IFT172: variants seen among roughly 807,000 people sequenced by gnomAD.
IFT172 encodes intraflagellar transport 172, also known as intraflagellar transport protein 172 homolog.
A neutral mutation model predicts 248.9 loss-of-function variants in IFT172; 164 were observed. That is an observed-to-expected ratio of 0.66 (90% CI 0.58 to 0.75). IFT172 has a LOEUF of 0.75. Among genes scored for constraint, IFT172 ranks in the 30% least tolerant of loss-of-function variants. The pLI is 0.00. For missense variants in IFT172, 1,950 were observed against 2,192.4 expected, an observed-to-expected ratio of 0.89 and a Z score of 2.21; for synonymous variants, 729 against 791.6, an observed-to-expected ratio of 0.92 and a Z score of 1.33.
chr2:27,465,516 G>T lies in IFT172; in HGVS notation c.1832C>A (p.Ala611Glu), dbSNP rs1274474647. ...TAIDDGNYIR[A>E]TAFLETLEMT... is the part of the protein sequence containing the mutation. ...TTCCAGAGTCTCTAAGAAGGCTGTT[G>T]CCCTGGAAAGGGAAGGAAGCAAAGC... The change falls in exon 18 of 48, where the codon GCA (alanine) becomes GAA (glutamate). Residue 611 changes from alanine to glutamate, a missense_variant and splice_region_variant. By Grantham distance (107) the Ala-to-Glu change is moderately radical. This residue lies in a region of IFT172 where 1,166 missense variants were observed against 1,254.1 expected (regional missense o/e 0.93). Transcript: ENST00000260570. The T allele has an allele frequency of 3.1e-6, 5 of 1,613,870 alleles. No individual in the cohort carries two copies. The Middle Eastern group carries it at 4.9e-4, about 159-fold the overall frequency.
Position 27,454,133 on chromosome 2 carries a change from G to A in IFT172, c.3560C>T (p.Ala1187Val), listed in dbSNP as rs1665958426. Residue 1187 changes from alanine (A) to valine (V), a missense_variant, in exon 33 of 48, where the codon GCT becomes GTT. Transcript: ENST00000260570. This position sits in a 1 kb window ranked among gnomAD's most constrained non-coding sequence, Gnocchi z 4.2. ...GTCGTGAGCCTCAGCCACACGCTGA[G>A]CTGCCTCCCAATCCTGGTTATGGAC... is the stretch of plus-strand genomic sequence containing the variant. ...MFVHNQDWEA[A>V]QRVAEAHDPD... The A allele has an allele frequency of 6.2e-7, 1 of 1,613,428 alleles. No homozygotes were observed. The highest frequency in any genetic ancestry group is 8.5e-7 in the Non-Finnish European group (1 of 1,179,738).
At chr2:27,486,830 G>A (rs181918368) in intron 1 of IFT172, among the ~76,000 whole-genome samples, 219 of 152,318 alleles carry the variant, frequency 1.4e-3, no homozygotes, top group Non-Finnish European at 2.2e-3. Context: ...TTAGGGCGGA[G>A]AAATTTTTAA....
At chr2:27,468,724 C>T (rs1667313776) in intron 16 of IFT172, among the ~76,000 whole-genome samples, 1 of 151,810 alleles carries the variant, frequency 6.6e-6, no homozygotes, top group African/African-American at 2.4e-5. Flanking sequence ...TGGCAGGCGC[C>T]TGTAGTCCTA....
intron 19 of IFT172, 148 bp from the exon 20 acceptor site, chr2:27,462,941 A>G (rs546585077): frequency 8.6e-7 from 1 of 1,156,224 alleles, no homozygotes; most frequent in East Asian, 2.4e-5. Flanking sequence ...GAGGTTTAGC[A>G]AAAGCAATTC....
At position 27,469,170 on chromosome 2, in the gene IFT172, G is replaced by A. The variant is rs376669029; in HGVS notation, c.1692+1758C>T. Among the ~76,000 whole-genome samples the A allele has an allele frequency of 2.4e-4, 36 of 152,216 alleles. No individual in the cohort carries two copies. The East Asian group carries it at 6.6e-3, about 28-fold the overall frequency. On this transcript the variant is annotated intron_variant, in intron 16 of 47. Transcript: ENST00000260570. Reference sequence around the variant, plus strand: ...GCACTTTGGGAGCCTGACGGAGGCGGATCACTTGAGGTCAAGAGTTCGAGA... The same window carrying A: ...GCACTTTGGGAGCCTGACGGAGGCGAATCACTTGAGGTCAAGAGTTCGAGA...
chr2:27,484,963 C>T, intron 3 of IFT172, 55 bp downstream of exon 3: 1 of 1,032,996 alleles, frequency 9.7e-7, no homozygotes, highest in Non-Finnish European at 1.5e-6. Context: ...TGAGGCATTT[C>T]TCTTGCCTTC....
intron 14 of IFT172, among the ~76,000 whole-genome samples, chr2:27,474,039 C>T (rs975413574): frequency 3.9e-5 from 6 of 152,110 alleles, no homozygotes; most frequent in Non-Finnish European, 7.4e-5. Context: ...AACTCCTGAC[C>T]TCAGGTGATC....
chr2:27,477,843 A>G, intron 11 of IFT172, 152 bp downstream of exon 11: 1 of 972,674 alleles, frequency 1.0e-6, no homozygotes, highest in Middle Eastern at 3.1e-4. Flanking sequence ...CTGGGATTAT[A>G]AAACTCCTGG....
In IFT172 at chr2:27,448,994, G is replaced by A. The variant is rs765204846; in HGVS notation, c.4349C>T (p.Ala1450Val). The A allele has an allele frequency of 1.2e-6, 2 of 1,610,542 alleles. No individual in the cohort carries two copies. Among genetic ancestry groups the A allele is most frequent in the Non-Finnish European group, 1.7e-6 (2 of 1,176,790 alleles). The stretch of plus-strand genomic sequence containing the variant: ...GCTACCCTCCCGGATCAAGTGAGTT[G>A]CATACAAAGCCACATACTTGTGCAG... Reference protein sequence around the residue: ...KILHKYVALYATHLIREGSSA... With the variant: ...KILHKYVALYVTHLIREGSSA... Residue 1450 changes from alanine to valine, a missense_variant, in exon 40 of 48, where the codon GCA (alanine) becomes GTA (valine). Around this residue, in one of 3 missense-constraint regions of IFT172, gnomAD observed 620 missense variants for 699.0 expected, o/e 0.89. Transcript: ENST00000260570.
At chr2:27,462,295 C>T (rs756417265) in intron 20 of IFT172, among the ~76,000 whole-genome samples, 5 of 152,060 alleles carry the variant, frequency 3.3e-5, no homozygotes, top group Non-Finnish European at 7.4e-5. Context: ...AGCCTCCCAG[C>T]GTGCTGGGAT....
At chr2:27,478,879 A>G (rs1440040454) in intron 10 of IFT172, among the ~76,000 whole-genome samples, 1 of 152,222 alleles carries the variant, frequency 6.6e-6, no homozygotes, top group African/African-American at 2.4e-5. Flanking sequence ...CAGAGGCCTT[A>G]AAACAACAGA....
intron 14 of IFT172, among the ~76,000 whole-genome samples, 185 bp from the exon 15 acceptor site, chr2:27,472,547 C>T (rs1007073663): frequency 2.0e-5 from 3 of 152,282 alleles, no homozygotes; most frequent in Middle Eastern, 3.4e-3. Flanking sequence ...CTCTCTGGGG[C>T]TTATGGAGTT....
Position 27,463,130 on chromosome 2 carries a change from G to C in IFT172, c.1989C>G (p.Thr663=). The C allele has an allele frequency of 6.2e-7, 1 of 1,614,106 alleles. No homozygotes were observed. The highest frequency in any genetic ancestry group is 1.1e-5 in the South Asian group (1 of 91,076). ...QVAKARFLHE[T]NEIADQVSRE... ...GGGATACTTGATCTGCAATCTCATT[G>C]GTCTCATGCAGGAATCGAGCTTTTG... The change falls in exon 19 of 48, where the codon ACC becomes ACG. Residue 663 remains threonine (T), a synonymous_variant. Transcript: ENST00000260570.
intron 35 of IFT172, among the ~76,000 whole-genome samples, chr2:27,451,970 T>C (rs1459308701): frequency 8.0e-6 from 1 of 125,672 alleles, no homozygotes; most frequent in Non-Finnish European, 1.6e-5. Context: ...AATATAATTA[T>C]ATATATGTAT....
intron 16 of IFT172, among the ~76,000 whole-genome samples, chr2:27,469,964 A>G (rs1231635398): frequency 2.0e-5 from 3 of 152,206 alleles, no homozygotes; most frequent in Admixed American, 2.0e-4. Context: ...TTAGATGCTG[A>G]TTAACTTTAG....
chr2:27,471,184 T>A, intron 15 of IFT172, 89 bp from the exon 16 acceptor site: 1 of 1,302,174 alleles, frequency 7.7e-7, no homozygotes, highest in Non-Finnish European at 1.1e-6. Context: ...TGAGATGTGG[T>A]GAGCTAACCC....
chr2:27,445,712 AG>A lies in IFT172; in HGVS notation c.4914+32del. The A allele has an allele frequency of 6.2e-7, 1 of 1,609,410 alleles. No homozygotes were observed. Among genetic ancestry groups the A allele is most frequent in the Non-Finnish European group, 8.5e-7 (1 of 1,175,852 alleles). ...CCTCCTCAAGGCACTCACACTGGTG[AG>A]GCCTTCCGGTTTTCCAACCCTGTGC... On this transcript the variant is annotated intron_variant, in intron 45 of 47. Coordinates refer to ENST00000260570, the MANE Select transcript of IFT172 (RefSeq NM_015662.3). This position sits in a 1 kb window ranked among gnomAD's most constrained non-coding sequence, Gnocchi z 4.4.
chr2:27,486,470 C>G (rs1668771214), intron 1 of IFT172, among the ~76,000 whole-genome samples: 1 of 152,182 alleles, frequency 6.6e-6, no homozygotes, highest in African/African-American at 2.4e-5. Flanking sequence ...TCCTTGAAAA[C>G]AAAACATTTT....
At position 27,446,358 on chromosome 2, in the gene IFT172, G is replaced by A; in HGVS notation, c.4660-3C>T. The A allele has an allele frequency of 6.2e-7, 1 of 1,614,046 alleles. No homozygotes were observed. On this transcript the variant is annotated splice_region_variant and splice_polypyrimidine_tract_variant and intron_variant, in intron 42 of 47. Transcript: ENST00000260570. Reference sequence around the variant, plus strand: ...GAAAGCCTGGCAGCCACGGTTTCCTGGGATTAAAGTCAAAGCATTATGAAT... The same window carrying A: ...GAAAGCCTGGCAGCCACGGTTTCCTAGGATTAAAGTCAAAGCATTATGAAT...
Sources: gnomAD v4.1 joint callset for allele counts (sites outside exome capture counted in the v4.1 genomes callset) on GRCh38, gnomAD v4.1.1 for gene constraint, gnomAD v4.1.1 regional missense constraint, Gnocchi (gnomAD v3.1) non-coding constraint, MANE v1.5 for transcripts, NCBI Gene and HGNC (gene_info 2026-07-23, HGNC 2026-07-21) for gene names.